Variants in L3MBTL2 observed in about 807,000 individuals in gnomAD.
L3MBTL2 encodes the protein lethal(3)malignant brain tumor-like protein 2.
L3MBTL2 carries 49 observed loss-of-function variants against 86.4 expected under a neutral mutation model. The ratio of observed to expected loss-of-function variants is 0.57; its 90% CI spans 0.45 to 0.72. The LOEUF is 0.72. Ranked by LOEUF, L3MBTL2 falls within the 30% of genes least tolerant of loss-of-function variation. The pLI, the probability that L3MBTL2 is intolerant of heterozygous loss-of-function variation, is 0.00. For synonymous variants in L3MBTL2, 336 were observed against 350.6 expected, an observed-to-expected ratio of 0.96 and a Z score of 0.47; for missense variants, 755 against 923.7, an observed-to-expected ratio of 0.82 and a Z score of 2.37.
intron 4 of L3MBTL2, 49 bp from the exon 5 acceptor site, chr22:41,217,074 G>A: frequency 5.3e-6 from 8 of 1,511,498 alleles, no homozygotes; most frequent in Non-Finnish European, 7.3e-6. Context: ...GGCTCCTGGA[G>A]TGGCTGCTGC....
At chr22:41,222,785 T>C (rs1443317067) in intron 8 of L3MBTL2, among the ~76,000 whole-genome samples, 1 of 152,128 alleles carries the variant, frequency 6.6e-6, no homozygotes, top group African/African-American at 2.4e-5. Flanking sequence ...CTGGGTGTGG[T>C]GGCATGCGCC....
In L3MBTL2 at chr22:41,217,209, G is replaced by T; in HGVS notation, c.600+7G>T. 1 of 1,610,022 alleles carries T rather than the reference G, an allele frequency of 6.2e-7. No homozygotes were observed. Among genetic ancestry groups the T allele is most frequent in the Middle Eastern group, 1.7e-4 (1 of 6,046 alleles). ...CGTCAGCTGTTTCAAGCACGTGAGTGCCCTGGAGCTGAGGGAGGGAGGCCG... is the reference window on the plus strand; with the variant it reads ...CGTCAGCTGTTTCAAGCACGTGAGTTCCCTGGAGCTGAGGGAGGGAGGCCG... On this transcript the variant is annotated splice_region_variant and intron_variant, in intron 5 of 16. Coordinates refer to ENST00000216237, the MANE Select transcript of L3MBTL2 (RefSeq NM_031488.5).
chr22:41,213,790 G>T, intron 2 of L3MBTL2, 103 bp from the exon 3 acceptor site: 1 of 1,286,956 alleles, frequency 7.8e-7, no homozygotes, highest in South Asian at 1.3e-5. Context: ...GGGGGCAGGG[G>T]CTCACCTGGT....
At chr22:41,221,121 C>A (rs2031785442) in intron 7 of L3MBTL2, 78 bp from the exon 8 acceptor site, 3 of 1,358,800 alleles carry the variant, frequency 2.2e-6, no homozygotes, top group Admixed American at 2.3e-5. Context: ...GGGGTCCCCA[C>A]TCTGGGTCGG....
At position 41,217,136 on chromosome 22, in the gene L3MBTL2, C is replaced by T. The variant is rs749442487; in HGVS notation, c.534C>T (p.Gly178=). Residue 178 remains glycine, a synonymous_variant, in exon 5 of 17, where the codon GGC becomes GGT. Coordinates refer to ENST00000216237, the MANE Select transcript of L3MBTL2 (RefSeq NM_031488.5). ...TPTGQDALVL[G]FDWGKFLKDH... ...TCTGCTCTGCAGCTCTGGTCTTGGG[C>T]TTCGACTGGGGGAAGTTCCTGAAGG... is the stretch of plus-strand genomic sequence containing the variant. 1.2e-6 allele frequency: 2 copies of T among 1,613,902 alleles called. No individual in the cohort carries two copies. Among genetic ancestry groups the T allele is most frequent in the Middle Eastern group, 1.6e-4 (1 of 6,062 alleles).
At chr22:41,216,422 A>G (rs1483636312) in intron 4 of L3MBTL2, among the ~76,000 whole-genome samples, 160 bp downstream of exon 4, 1 of 152,166 alleles carries the variant, frequency 6.6e-6, no homozygotes, top group Non-Finnish European at 1.5e-5. Context: ...CCTGTTGGGT[A>G]TTGTGGAAAT....
chr22:41,228,112 T>C, intron 15 of L3MBTL2: 1 of 985,280 alleles, frequency 1.0e-6, no homozygotes, highest in Non-Finnish European at 1.2e-6. Flanking sequence ...ATGGTCAGGG[T>C]GCTGAGGAAA....
At chr22:41,207,236 CTTTTTT>C (rs753351369) in intron 1 of L3MBTL2, among the ~76,000 whole-genome samples, 2 of 120,506 alleles carry the variant, frequency 1.7e-5, no homozygotes, top group African/African-American at 6.4e-5. Flanking sequence ...CCCCCAAATC[CTTTTTT>C]TTTTTTTTTT....
At chr22:41,221,590 A>G (rs1490194189) in intron 8 of L3MBTL2, among the ~76,000 whole-genome samples, 1 of 152,174 alleles carries the variant, frequency 6.6e-6, no homozygotes, top group Non-Finnish European at 1.5e-5. Flanking sequence ...GTGTTCACTC[A>G]ATAGATTTTA....
intron 1 of L3MBTL2, chr22:41,208,360 G>A: frequency 4.6e-6 from 2 of 437,550 alleles, no homozygotes; most frequent in Admixed American, 2.5e-5. Flanking sequence ...AAACTCCTGG[G>A]TTCAAGCAAT....
chr22:41,205,350 A>T lies in L3MBTL2; in HGVS notation c.-13A>T, dbSNP rs753995557. On this transcript the variant is annotated 5_prime_UTR_variant, in exon 1 of 17. Transcript: ENST00000216237. Reference sequence around the variant, plus strand: ...TTCCTGCACCTGGTGACGCTTGGCGAAACTGAGGTCTCATGGAGAAGCCCC... The same window carrying T: ...TTCCTGCACCTGGTGACGCTTGGCGTAACTGAGGTCTCATGGAGAAGCCCC... 6.2e-7 allele frequency: 1 copy of T among 1,614,090 alleles called. No individual in the cohort carries two copies. Among genetic ancestry groups the T allele is most frequent in the African/African-American group, 1.3e-5 (1 of 74,950 alleles).
At chr22:41,216,757 T>C (rs2031398954) in intron 4 of L3MBTL2, among the ~76,000 whole-genome samples, 1 of 152,196 alleles carries the variant, frequency 6.6e-6, no homozygotes, top group Non-Finnish European at 1.5e-5. Context: ...CCCTGGTGTG[T>C]GCGCACCCCC....
At position 41,230,469 on chromosome 22, in the gene L3MBTL2, C is replaced by T. The variant is rs554087429; in HGVS notation, c.*218C>T. 1.6e-4 allele frequency: 81 copies of T among 517,608 alleles called. No individual in the cohort carries two copies. In the East Asian group the frequency reaches 2.3e-3, roughly 15 times the overall value. The allele number at this position is 517,608 out of a possible 1,614,324, so 32.1% of individuals were successfully genotyped here. On this transcript the variant is annotated 3_prime_UTR_variant, in exon 17 of 17. Coordinates refer to ENST00000216237, the MANE Select transcript of L3MBTL2 (RefSeq NM_031488.5). ...CTGTGGAAAGGTCTATATGACGGGCCGCCTGAGGCCCCAGAACTCGTCTGT... is the reference window on the plus strand; with the variant it reads ...CTGTGGAAAGGTCTATATGACGGGCTGCCTGAGGCCCCAGAACTCGTCTGT...
rs112599077 is a variant in L3MBTL2 at position 41,229,607 on chromosome 22, C to T, written c.1956C>T (p.Asp652=). 183 of 1,613,810 alleles carry T rather than the reference C, an allele frequency of 1.1e-4. No homozygotes were observed. In the African/African-American group the frequency reaches 2.0e-3, roughly 18 times the overall value. The change falls in exon 16 of 17, where the codon GAC becomes GAT. Residue 652 remains aspartate (D), a synonymous_variant. Transcript: ENST00000216237. ...RQGSKKPLLE[D]DPQGARKISS... ...GGTCCAAGAAGCCCCTGCTGGAGGA[C>T]GACCCTCAGGGTGCCAGGAAGATCT...
intron 8 of L3MBTL2, among the ~76,000 whole-genome samples, chr22:41,222,642 C>T (rs984635335): frequency 1.3e-5 from 2 of 151,380 alleles, no homozygotes; most frequent in Non-Finnish European, 2.9e-5. Flanking sequence ...TAGCTAGGCA[C>T]GGCACAGTGG....
intron 4 of L3MBTL2, 38 bp from the exon 5 acceptor site, chr22:41,217,085 G>A (rs773077759): frequency 8.3e-6 from 13 of 1,572,414 alleles, no homozygotes; most frequent in Non-Finnish European, 1.1e-5. Flanking sequence ...TGGCTGCTGC[G>A]CAGGCTCCTA....
chr22:41,216,983 G>A, intron 4 of L3MBTL2, 140 bp from the exon 5 acceptor site: 1 of 634,378 alleles, frequency 1.6e-6, no homozygotes. Context: ...GTGAAGGAGG[G>A]TGTCGTGGGC....
chr22:41,230,337 C>A lies in L3MBTL2; in HGVS notation c.*86C>A. 1.0e-6 allele frequency: 1 copy of A among 969,088 alleles called. No homozygotes were observed. The highest frequency in any genetic ancestry group is 1.4e-5 in the South Asian group (1 of 72,620). The allele number at this position is 969,088 out of a possible 1,614,324, so 60.0% of individuals were successfully genotyped here. A position where few individuals can be genotyped will look rare whatever the true frequency, so the allele number is the denominator to read the frequency against. On this transcript the variant is annotated 3_prime_UTR_variant, in exon 17 of 17. Transcript: ENST00000216237. Reference sequence around the variant, plus strand: ...CCACCATGCCTCCACCTGACTTTGGCTTGGAGACTGATCCTCTCTGTGTAA... The same window carrying A: ...CCACCATGCCTCCACCTGACTTTGGATTGGAGACTGATCCTCTCTGTGTAA...
Position 41,227,924 on chromosome 22 carries a change from G to T in L3MBTL2, c.1888+55G>T. 1.3e-6 allele frequency: 2 copies of T among 1,595,134 alleles called. No homozygotes were observed. The highest frequency in any genetic ancestry group is 8.5e-7 in the Non-Finnish European group (1 of 1,170,730). The stretch of plus-strand genomic sequence containing the variant: ...GTGTGGGCCTGGGAGCAGTGGGCCT[G>T]CGTCCCTGGGAGCAGGCGGGGGTCA... On this transcript the variant is annotated intron_variant, in intron 15 of 16. Transcript: ENST00000216237. The surrounding 1 kb of genome is among the most constrained non-coding windows in gnomAD (Gnocchi z 6.0).
Sources: allele counts gnomAD v4.1 joint callset (sites outside exome capture counted in the v4.1 genomes callset), GRCh38; gene constraint gnomAD v4.1.1; non-coding constraint Gnocchi (gnomAD v3.1); transcripts MANE v1.5; gene names NCBI Gene and HGNC (gene_info 2026-07-23, HGNC 2026-07-21).